The following CSMD3 variants were observed in gnomAD, a reference collection of about 807,000 sequenced individuals.
The protein encoded by CSMD3 is CUB and Sushi multiple domains 3, also known as CUB and sushi domain-containing protein 3.
A neutral mutation model predicts 435.2 loss-of-function variants in CSMD3; 177 were observed. The ratio of observed to expected loss-of-function variants is 0.41; its 90% CI spans 0.36 to 0.46. The LOEUF is 0.46. Ranked by LOEUF, CSMD3 falls within the 20% of genes least tolerant of loss-of-function variation. The pLI is 0.34. For missense variants in CSMD3, 4,265 were observed against 4,504.6 expected (o/e 0.95, Z 1.52); for synonymous variants, 1,656 against 1,520.5 (o/e 1.09, Z -2.07).
intron 24 of CSMD3, among the ~76,000 whole-genome samples, chr8:112,567,340 T>C (rs1829142715): frequency 1.3e-5 from 2 of 152,260 alleles, no homozygotes; most frequent in South Asian, 2.1e-4. Context: ...ATCTATCCCA[T>C]TGCCCTGTTT....
intron 17 of CSMD3, among the ~76,000 whole-genome samples, chr8:112,664,215 A>T (rs764283311): frequency 2.6e-5 from 4 of 152,160 alleles, no homozygotes; most frequent in Non-Finnish European, 5.9e-5. Flanking sequence ...TAGATTGACA[A>T]ATATGCTTGT....
intron 3 of CSMD3, among the ~76,000 whole-genome samples, chr8:113,225,760 T>C (rs1399993855): frequency 3.3e-5 from 5 of 151,546 alleles, no homozygotes. Context: ...GTTAGAGCTG[T>C]ACCTGCGAGT....
rs1184183898 is a variant in CSMD3, at chr8:112,492,553, T to A, written c.5214A>T (p.Thr1738=). The part of the protein sequence containing the change: ...DAGYVLQGYS[T]LTCIMGDDGR... ...CATCATCTCCCATGATACAGGTGAGTGTTGAATAACCTTGAAGAACATAAC... is the reference window on the plus strand; with the variant it reads ...CATCATCTCCCATGATACAGGTGAGAGTTGAATAACCTTGAAGAACATAAC... Residue 1738 remains threonine, a synonymous_variant, in exon 31 of 71, where the codon ACA becomes ACT. Transcript: ENST00000297405. The A allele has an allele frequency of 1.2e-6, 2 of 1,613,876 alleles. No individual in the cohort carries two copies. Among genetic ancestry groups the A allele is most frequent in the Non-Finnish European group, 1.7e-6 (2 of 1,179,818 alleles).
Position 112,480,175 on chromosome 8 carries a change from G to A in CSMD3, c.5279-7468C>T, listed in dbSNP as rs146103972. On this transcript the variant is annotated intron_variant, in intron 31 of 70. Coordinates refer to ENST00000297405, the MANE Select transcript of CSMD3 (RefSeq NM_198123.2). ...CTGTTGGGTTTCAGACTTGTGTGGA[G>A]AATATTGACCCTTTCTTTGGGCCAA... is the stretch of plus-strand genomic sequence containing the variant. 6.1e-3 allele frequency among the ~76,000 whole-genome samples: 923 copies of A among 152,336 alleles called. 7 individuals carry two copies. The highest frequency in any genetic ancestry group is 8.7e-3 in the Non-Finnish European group (591 of 68,036).
chr8:113,364,887 AG>A (rs2094301287), intron 1 of CSMD3, among the ~76,000 whole-genome samples: 1 of 152,146 alleles, frequency 6.6e-6, no homozygotes, highest in South Asian at 2.1e-4. Flanking sequence ...AAAAATTAAA[AG>A]GTTTCTGGAC....
rs2086587373 is a variant in CSMD3 at position 113,019,135 on chromosome 8, T to C, written c.962A>G (p.Asn321Ser). The C allele has an allele frequency of 3.1e-6, 5 of 1,613,628 alleles. No homozygotes were observed. The highest frequency in any genetic ancestry group is 4.2e-6 in the Non-Finnish European group (5 of 1,179,622). Residue 321 changes from asparagine (N) to serine (S), a missense_variant, in exon 6 of 71, where the codon AAC (asparagine) becomes AGC (serine). Asn to Ser is a conservative substitution (Grantham distance 46). Around this residue, in one of 3 missense-constraint regions of CSMD3, gnomAD observed 731 missense variants for 755.4 expected, o/e 0.97. Coordinates refer to ENST00000297405, the MANE Select transcript of CSMD3 (RefSeq NM_198123.2). ...TGTAACAAAATGCAGTCTGAGCCAG[T>C]TTTTGTTGCTGATAATTGGTGGTGG... ...NIPPPIISNK[N>S]WLRLHFVTDS...
Position 112,346,183 on chromosome 8 carries a change from C to T in CSMD3, c.6356G>A (p.Ser2119Asn), listed in dbSNP as rs373544624. Residue 2119 changes from serine (S) to asparagine (N), a missense_variant, in exon 41 of 71, where the codon AGT (serine) becomes AAT (asparagine). Around this residue, in one of 3 missense-constraint regions of CSMD3, gnomAD observed 3,255 missense variants for 3,380.2 expected, o/e 0.96. Transcript: ENST00000297405. ...AQCGGAMSDF[S>N]GVILSPGFPG... ...AAACCCAGGACTGAGGATCACACCA[C>T]TGAAGTCTGACATAGCACCACCACA... 4 of 1,613,260 alleles carry T rather than the reference C, an allele frequency of 2.5e-6. No individual in the cohort carries two copies. The highest frequency in any genetic ancestry group is 3.4e-6 in the Non-Finnish European group (4 of 1,179,228).
At chr8:112,470,522 A>T (rs563882428) in intron 32 of CSMD3, among the ~76,000 whole-genome samples, 1 of 152,252 alleles carries the variant, frequency 6.6e-6, no homozygotes, top group Non-Finnish European at 1.5e-5. Flanking sequence ...TCCAATGAAA[A>T]TAGCAAGTAA....
chr8:113,146,527 C>A (rs1332190479), intron 4 of CSMD3, among the ~76,000 whole-genome samples: 1 of 151,418 alleles, frequency 6.6e-6, no homozygotes, highest in African/African-American at 2.4e-5. Flanking sequence ...GGATTGGGAC[C>A]TAATTTGAAT....
At chr8:112,759,537 T>C (rs2077783735) in intron 13 of CSMD3, among the ~76,000 whole-genome samples, 1 of 152,076 alleles carries the variant, frequency 6.6e-6, no homozygotes, top group Non-Finnish European at 1.5e-5. Flanking sequence ...GAAATTCTAT[T>C]TGGTTCTTAC....
chr8:112,624,809 T>C (rs961198236), intron 22 of CSMD3, among the ~76,000 whole-genome samples: 8 of 152,044 alleles, frequency 5.3e-5, no homozygotes, highest in Non-Finnish European at 8.8e-5. Context: ...TCTAAAGATA[T>C]GAGATATGAT....
chr8:112,527,799 A>C (rs1318215201), intron 27 of CSMD3, among the ~76,000 whole-genome samples: 1 of 152,128 alleles, frequency 6.6e-6, no homozygotes, highest in Non-Finnish European at 1.5e-5. Context: ...ATGAATACAA[A>C]AATAAAACTT....
At chr8:113,226,169 T>G (rs777971012) in intron 3 of CSMD3, among the ~76,000 whole-genome samples, 11 of 151,508 alleles carry the variant, frequency 7.3e-5, no homozygotes, top group Non-Finnish European at 1.2e-4. Flanking sequence ...GTAGCAGCGG[T>G]GAGAATGGAC....
At chr8:112,561,083 A>G (rs1199837007) in intron 24 of CSMD3, among the ~76,000 whole-genome samples, 1 of 151,704 alleles carries the variant, frequency 6.6e-6, no homozygotes, top group Non-Finnish European at 1.5e-5. Context: ...CACATGGACA[A>G]TAGTATATAA....
At chr8:112,368,603 C>CTT (rs1341466946) in intron 38 of CSMD3, among the ~76,000 whole-genome samples, 14 of 152,064 alleles carry the variant, frequency 9.2e-5, no homozygotes, top group Non-Finnish European at 2.1e-4. Context: ...GAAAATGTAC[C>CTT]TTGCATTTAA....
At chr8:112,689,826 G>A (rs1454819000) in intron 14 of CSMD3, 42 bp downstream of exon 14, 1 of 1,547,466 alleles carries the variant, frequency 6.5e-7, no homozygotes, top group Admixed American at 1.7e-5. Context: ...TGCAAGGACA[G>A]GGTAACATAT....
intron 7 of CSMD3, among the ~76,000 whole-genome samples, chr8:112,973,395 A>T (rs929355772): frequency 5.9e-5 from 9 of 151,918 alleles, no homozygotes; most frequent in Non-Finnish European, 1.3e-4. Context: ...TTTGATCAGA[A>T]TTCATTTTAC....
intron 61 of CSMD3, among the ~76,000 whole-genome samples, chr8:112,258,233 G>A (rs970624374): frequency 6.6e-6 from 1 of 152,160 alleles, no homozygotes; most frequent in Non-Finnish European, 1.5e-5. Flanking sequence ...AAGACTTCAT[G>A]TCTAAAACAC....
At chr8:112,317,084 C>T (rs1165519374) in intron 47 of CSMD3, among the ~76,000 whole-genome samples, 3 of 151,826 alleles carry the variant, frequency 2.0e-5, no homozygotes, top group Non-Finnish European at 4.4e-5. Flanking sequence ...AATATAGAAA[C>T]TCTACATAAA....
Sources: gnomAD v4.1 joint callset for allele counts (sites outside exome capture counted in the v4.1 genomes callset) on GRCh38, gnomAD v4.1.1 for gene constraint, gnomAD v4.1.1 regional missense constraint, MANE v1.5 for transcripts, NCBI Gene and HGNC (gene_info 2026-07-23, HGNC 2026-07-21) for gene names.